Variants in LRP1B observed in about 807,000 individuals in gnomAD.
LRP1B encodes LDL receptor related protein 1B, also known as low-density lipoprotein receptor-related protein 1B.
A neutral mutation model predicts 556.6 loss-of-function variants in LRP1B; 217 were observed. The ratio of observed to expected loss-of-function variants is 0.39; its 90% CI spans 0.35 to 0.44. LRP1B has a LOEUF of 0.44. Ranked by LOEUF, LRP1B falls within the 20% of genes least tolerant of loss-of-function variation. The pLI is 1.00. For synonymous variants in LRP1B, 2,047 were observed against 1,865.8 expected (o/e 1.10, Z -2.50); for missense variants, 5,053 against 5,620.8 (o/e 0.90, Z 3.23).
intron 1 of LRP1B, among the ~76,000 whole-genome samples, chr2:142,070,682 CTGATAT>C (rs112237423): frequency 0.13 from 19,359 of 151,626 alleles, 1,383 homozygotes; most frequent in African/African-American, 0.18. Flanking sequence ...TCAACAGATA[CTGATAT>C]TGATATTGAT....
chr2:140,302,862 T>C (rs975753700), intron 83 of LRP1B, among the ~76,000 whole-genome samples: 2 of 151,568 alleles, frequency 1.3e-5, no homozygotes, highest in Non-Finnish European at 2.9e-5. Flanking sequence ...AGACTGAGAG[T>C]TACACAATTG....
intron 41 of LRP1B, among the ~76,000 whole-genome samples, chr2:140,619,251 A>T: frequency 6.6e-6 from 1 of 152,060 alleles, no homozygotes; most frequent in East Asian, 1.9e-4. Context: ...AAATAAACTT[A>T]CAAATTTGTT....
intron 2 of LRP1B, among the ~76,000 whole-genome samples, chr2:141,655,102 G>A (rs1395937494): frequency 6.6e-6 from 1 of 152,130 alleles, no homozygotes; most frequent in Non-Finnish European, 1.5e-5. Flanking sequence ...TCAATAAACT[G>A]GGGAGGAGGA....
intron 13 of LRP1B, among the ~76,000 whole-genome samples, chr2:141,014,636 T>G (rs1697851146): frequency 6.6e-6 from 1 of 152,088 alleles, no homozygotes; most frequent in Admixed American, 6.6e-5. Flanking sequence ...TTTAACTGAA[T>G]TCTTCTCACC....
At chr2:140,889,815 A>G (rs1693745253) in intron 23 of LRP1B, among the ~76,000 whole-genome samples, 1 of 152,204 alleles carries the variant, frequency 6.6e-6, no homozygotes, top group East Asian at 1.9e-4. Context: ...GCACTTTCAT[A>G]AAGTGTCAAT....
At chr2:142,074,783 G>T (rs1183755630) in intron 1 of LRP1B, among the ~76,000 whole-genome samples, 3 of 152,038 alleles carry the variant, frequency 2.0e-5, no homozygotes, top group Admixed American at 1.3e-4. Context: ...TCCAAAATAT[G>T]ATTTGTATCT....
chr2:141,150,459 C>A (rs1701893201), intron 7 of LRP1B, among the ~76,000 whole-genome samples: 1 of 152,116 alleles, frequency 6.6e-6, no homozygotes, highest in African/African-American at 2.4e-5. Context: ...TTTCCCTTCA[C>A]TCTATTTGGT....
chr2:140,709,007 T>C (rs886208026), intron 37 of LRP1B, among the ~76,000 whole-genome samples: 32 of 152,098 alleles, frequency 2.1e-4, no homozygotes, highest in African/African-American at 7.2e-4. Context: ...TGTTGTTGTC[T>C]TAACAGGTGT....
At chr2:140,701,136 C>CCTTCACCAGTCTAATTCTT (rs1325738444) in intron 40 of LRP1B, among the ~76,000 whole-genome samples, 1 of 152,044 alleles carries the variant, frequency 6.6e-6, no homozygotes, top group Non-Finnish European at 1.5e-5. Context: ...GTCTAATTCT[C>CCTTCACCAGTCTAATTCTT]CTTTGTGAAT....
chr2:142,065,017 C>T (rs1015607914), intron 1 of LRP1B, among the ~76,000 whole-genome samples: 19 of 151,370 alleles, frequency 1.3e-4, no homozygotes, highest in African/African-American at 2.4e-4. Flanking sequence ...ATTCATGTCA[C>T]GGCACTAGCA....
intron 1 of LRP1B, among the ~76,000 whole-genome samples, chr2:141,883,489 T>C (rs1318852885): frequency 6.6e-6 from 1 of 152,124 alleles, no homozygotes; most frequent in African/African-American, 2.4e-5. Flanking sequence ...GAGATTGTAT[T>C]TGGGCAATTC....
At chr2:140,405,422 C>T (rs565528741) in intron 66 of LRP1B, among the ~76,000 whole-genome samples, 3 of 151,990 alleles carry the variant, frequency 2.0e-5, no homozygotes, top group Non-Finnish European at 4.4e-5. Flanking sequence ...AAACAAAAAG[C>T]TGGTTCTTTG....
chr2:140,402,612 G>T (rs965524038), intron 66 of LRP1B, among the ~76,000 whole-genome samples: 9 of 152,024 alleles, frequency 5.9e-5, no homozygotes, highest in Non-Finnish European at 1.3e-4. Context: ...GAGTGAGTCT[G>T]GGAGGTGGAT....
intron 75 of LRP1B, among the ~76,000 whole-genome samples, chr2:140,353,876 G>A (rs945058866): frequency 1.3e-5 from 2 of 152,034 alleles, no homozygotes; most frequent in African/African-American, 2.4e-5. Context: ...AAGTGACTAC[G>A]TAACAAGAAG....
chr2:140,657,475 A>T lies in LRP1B; in HGVS notation c.6799+42775T>A, dbSNP rs577908685. On this transcript the variant is annotated intron_variant, in intron 41 of 90. Coordinates refer to ENST00000389484, the MANE Select transcript of LRP1B (RefSeq NM_018557.3). ...TTATTCCATCTAACAAATATGGGTG[A>T]ACTATAGGCCAGTACTGGAAATAAG... Among the ~76,000 whole-genome samples the T allele has an allele frequency of 4.6e-5, 7 of 151,254 alleles. No homozygotes were observed. In the East Asian group the frequency reaches 1.4e-3, roughly 29 times the overall value.
At chr2:141,135,279 T>C (rs1017842797) in intron 7 of LRP1B, among the ~76,000 whole-genome samples, 2 of 152,022 alleles carry the variant, frequency 1.3e-5, no homozygotes, top group East Asian at 3.8e-4. Flanking sequence ...AAATCTTTTC[T>C]GTAGAACACA....
At chr2:140,364,605 T>C (rs1682666698) in intron 72 of LRP1B, 56 bp downstream of exon 72, 4 of 1,588,556 alleles carry the variant, frequency 2.5e-6, no homozygotes, top group Admixed American at 1.7e-5. Flanking sequence ...TGATTCATGC[T>C]GGTGCCTGAG....
chr2:141,341,234 G>A (rs59905018), intron 3 of LRP1B, among the ~76,000 whole-genome samples: 4,427 of 152,288 alleles, frequency 0.029, 212 homozygotes, highest in African/African-American at 0.1. Flanking sequence ...TTTCAACAGT[G>A]CCTAATTTGA....
intron 66 of LRP1B, among the ~76,000 whole-genome samples, chr2:140,419,035 G>C (rs1685321456): frequency 6.6e-6 from 1 of 152,128 alleles, no homozygotes; most frequent in African/African-American, 2.4e-5. Flanking sequence ...AGACATGCCT[G>C]ACAATCCAAA....
Sources: gnomAD v4.1 joint callset for allele counts (sites outside exome capture counted in the v4.1 genomes callset) on GRCh38, gnomAD v4.1.1 for gene constraint, MANE v1.5 for transcripts, NCBI Gene and HGNC (gene_info 2026-07-23, HGNC 2026-07-21) for gene names.